Variants in DDX52 observed in about 807,000 individuals in gnomAD.
DDX52 encodes the protein DExD-box helicase 52, also known as probable ATP-dependent RNA helicase DDX52.
In DDX52, 59 loss-of-function variants were observed where a neutral mutation model predicts 76.1. The ratio of observed to expected loss-of-function variants is 0.78; its 90% CI spans 0.63 to 0.96. The LOEUF is 0.96. DDX52 is among the 40% of genes least tolerant of loss of function. The probability of loss-of-function intolerance (pLI) is 0.00; values close to 1 mark genes in which losing one functional copy is unlikely to be tolerated. For missense variants in DDX52, 707 were observed against 703.9 expected (o/e 1.00, Z -0.05); for synonymous variants, 231 against 244.1 (o/e 0.95, Z 0.50).
Position 37,625,763 on chromosome 17 carries a change from G to T in DDX52, c.1136+132C>A, listed in dbSNP as rs1357784593. ...ATCCTTAAACAATCTTGGCTTAAAA[G>T]AACACATTTCAATCAGTAAAACTCT... On this transcript the variant is annotated intron_variant, in intron 8 of 14. Coordinates refer to ENST00000617633, the MANE Select transcript of DDX52 (RefSeq NM_007010.5). 6 of 978,020 alleles carry T rather than the reference G, an allele frequency of 6.1e-6. No homozygotes were observed. In the African/African-American group the frequency reaches 6.6e-5, roughly 11 times the overall value. 60.6% of individuals were successfully genotyped at this position (978,020 alleles called of 1,614,324 possible). A position where few individuals can be genotyped will look rare whatever the true frequency, so the allele number is the denominator to read the frequency against.
intron 6 of DDX52, 152 bp downstream of exon 6, chr17:37,628,409 T>C (rs1170260605): frequency 6.4e-6 from 4 of 623,804 alleles, no homozygotes; most frequent in Admixed American, 6.7e-5. Context: ...AACTTCTCAG[T>C]AGAGTGAGAA....
intron 11 of DDX52, 54 bp downstream of exon 11, chr17:37,621,073 G>A (rs912684745): frequency 3.8e-6 from 6 of 1,578,558 alleles, no homozygotes; most frequent in African/African-American, 2.7e-5. Context: ...AATAGCAGGG[G>A]TCCTAAGACA....
At chr17:37,615,449 AG>A (rs1275387854) in intron 14 of DDX52, among the ~76,000 whole-genome samples, 1 of 152,132 alleles carries the variant, frequency 6.6e-6, no homozygotes, top group Non-Finnish European at 1.5e-5. Context: ...AGGCAGAGGT[AG>A]GCAGATCGCT....
Position 37,632,112 on chromosome 17 carries a change from C to T in DDX52, c.603+1G>A. 2 of 1,612,838 alleles carry T rather than the reference C, an allele frequency of 1.2e-6. No homozygotes were observed. Among genetic ancestry groups the T allele is most frequent in the Admixed American group, 1.7e-5 (1 of 59,718 alleles). ...CAGGCATTCTAGATCTTCATACTCA[C>T]ATGCAGCATAACTGGGATGGCTTGC... On this transcript the variant is annotated splice_donor_variant, in intron 4 of 14. Transcript: ENST00000617633. LOFTEE classifies it high-confidence loss of function.
chr17:37,641,995 G>C (rs780605543), intron 2 of DDX52, 115 bp downstream of exon 2: 14 of 1,272,554 alleles, frequency 1.1e-5, no homozygotes, highest in Non-Finnish European at 1.3e-5. Flanking sequence ...GAAACAACCT[G>C]AGTGCCATCA....
At chr17:37,632,423 C>G (rs1022451031) in intron 3 of DDX52, 125 bp from the exon 4 acceptor site, 1 of 1,024,586 alleles carries the variant, frequency 9.8e-7, no homozygotes, top group African/African-American at 1.6e-5. Flanking sequence ...TTGGTTAAAT[C>G]CAAGAATCAA....
rs192903902 is a variant in DDX52, at chr17:37,612,990, A to G, written c.*1306T>C. The G allele has an allele frequency of 4.1e-4, 62 of 152,332 alleles. No homozygotes were observed. The highest frequency in any genetic ancestry group is 1.4e-3 in the African/African-American group (60 of 41,574). 9.4% of individuals were successfully genotyped at this position (152,332 alleles called of 1,614,324 possible). ...ACCCTGTACCAGTAGATCTTTCTTT[A>G]AATAAATTCCGAAGATGAACAATTT... On this transcript the variant is annotated 3_prime_UTR_variant, in exon 15 of 15. Transcript: ENST00000617633.
intron 14 of DDX52, among the ~76,000 whole-genome samples, chr17:37,615,748 C>T (rs544158219): frequency 1.2e-4 from 18 of 152,148 alleles, no homozygotes; most frequent in African/African-American, 3.6e-4. Context: ...TTAGACTGGG[C>T]GCGGTGGGTC....
Position 37,642,002 on chromosome 17 carries a change from A to G in DDX52, c.286+108T>C, listed in dbSNP as rs189198293. The stretch of plus-strand genomic sequence containing the variant: ...AATACCTGGAAACAACCTGAGTGCC[A>G]TCAGCTGACAAATGACCTTATTGTC... On this transcript the variant is annotated intron_variant, in intron 2 of 14. Coordinates refer to ENST00000617633, the MANE Select transcript of DDX52 (RefSeq NM_007010.5). 99 of 1,368,834 alleles carry G rather than the reference A, an allele frequency of 7.2e-5. No homozygotes were observed. In the African/African-American group the frequency reaches 1.3e-3, roughly 18 times the overall value. The allele number at this position is 1,368,834 out of a possible 1,614,324, so 84.8% of individuals were successfully genotyped here. A position where few individuals can be genotyped will look rare whatever the true frequency, so the allele number is the denominator to read the frequency against.
At chr17:37,615,183 G>C (rs2064410613) in intron 14 of DDX52, 1 of 152,208 alleles carries the variant, frequency 6.6e-6, no homozygotes, top group African/African-American at 2.4e-5. Context: ...AGGCATGGGT[G>C]GGATCATTAA....
At position 37,621,537 on chromosome 17, in the gene DDX52, A is replaced by G. The variant is rs751184422; in HGVS notation, c.1228-17T>C. The G allele has an allele frequency of 1.2e-5, 19 of 1,596,618 alleles. No homozygotes were observed. The African/African-American group carries it at 2.0e-4, about 17-fold the overall frequency. On this transcript the variant is annotated splice_polypyrimidine_tract_variant and intron_variant, in intron 9 of 14. Coordinates refer to ENST00000617633, the MANE Select transcript of DDX52 (RefSeq NM_007010.5). ...ATTGAAACCCTAAAAGAAGACAAAA[A>G]TTGGCATACATAACTCAATCAAGAA...
Position 37,642,271 on chromosome 17 carries a change from A to T in DDX52, c.125T>A (p.Val42Glu), listed in dbSNP as rs761707218. The T allele has an allele frequency of 6.2e-7, 1 of 1,613,994 alleles. No homozygotes were observed. The highest frequency in any genetic ancestry group is 2.2e-5 in the East Asian group (1 of 44,866). The change falls in exon 2 of 15, where the codon GTG (valine) becomes GAG (glutamate). Residue 42 changes from valine to glutamate, a missense_variant. Physicochemically the swap from Val to Glu is moderately radical, Grantham distance 121 (BLOSUM62 -2). Transcript: ENST00000617633. ...TCCAAAAAAGTCCAGTCCCTGAAGC[A>T]CCTCCGAAGAATCAAAGTCATATTT... The part of the protein sequence containing the change: ...KRKYDFDSSE[V>E]LQGLDFFGNK...
chr17:37,629,838 T>G (rs1339954071), intron 5 of DDX52, among the ~76,000 whole-genome samples, 192 bp downstream of exon 5: 1 of 152,208 alleles, frequency 6.6e-6, no homozygotes, highest in Admixed American at 6.5e-5. Context: ...CACTGTGTTT[T>G]AGAAACTTAC....
intron 9 of DDX52, among the ~76,000 whole-genome samples, chr17:37,622,301 CTTTTTTTTTT>C (rs1311701273): frequency 6.9e-6 from 1 of 144,518 alleles, no homozygotes; most frequent in African/African-American, 2.5e-5. Context: ...CTTTTTTTTT[CTTTTTTTTTT>C]GAGACAGAGT....
At chr17:37,628,763 C>T in intron 5 of DDX52, 91 bp from the exon 6 acceptor site, 1 of 911,942 alleles carries the variant, frequency 1.1e-6, no homozygotes. Flanking sequence ...AATCTATTAC[C>T]AACCCATGAA....
chr17:37,628,792 T>A, intron 5 of DDX52, 120 bp from the exon 6 acceptor site: 4 of 694,556 alleles, frequency 5.8e-6, no homozygotes, highest in Non-Finnish European at 9.3e-6. Flanking sequence ...ATTAAACTCA[T>A]AACAATCTGT....
rs2030714452 is a variant in DDX52 at position 37,632,198 on chromosome 17, T to C, written c.518A>G (p.Asn173Ser). The C allele has an allele frequency of 1.2e-6, 2 of 1,613,802 alleles. No individual in the cohort carries two copies. The highest frequency in any genetic ancestry group is 8.5e-7 in the Non-Finnish European group (1 of 1,179,992). The change falls in exon 4 of 15, where the codon AAT becomes AGT. Residue 173 changes from asparagine (N) to serine (S), a missense_variant. Asn to Ser is a conservative substitution (Grantham distance 46). Transcript: ENST00000617633. ...TAGAATGTTCTGAAGTAGTCGAGAA[T>C]TGATTTTATATTCCTGGTCAAGTTG... ...FQQLDQEYKI[N>S]SRLLQNILDA...
rs760602558 is a variant in DDX52, at chr17:37,633,287, CCTTTT to C, written c.413_417del (p.Glu138AspfsTer7). ...TTTTGGCCCCAAAATATTTTTCTAA[CCTTTT>C]CTTTTCTGAGATTCTCCAACTTTCC... is the stretch of plus-strand genomic sequence containing the variant. On this transcript the variant is annotated frameshift_variant and splice_region_variant, in exon 3 of 15. Transcript: ENST00000617633. LOFTEE classifies it high-confidence loss of function. 1.1e-5 allele frequency: 18 copies of C among 1,598,796 alleles called. No individual in the cohort carries two copies. Among genetic ancestry groups the C allele is most frequent in the Non-Finnish European group, 1.4e-5 (17 of 1,175,192 alleles).
chr17:37,639,980 G>C (rs943841371), intron 2 of DDX52, among the ~76,000 whole-genome samples: 1 of 152,176 alleles, frequency 6.6e-6, no homozygotes, highest in African/African-American at 2.4e-5. Flanking sequence ...TGCAAACAAT[G>C]TACTAAATGC....
Sources: allele counts gnomAD v4.1 joint callset (sites outside exome capture counted in the v4.1 genomes callset), GRCh38; gene constraint gnomAD v4.1.1; transcripts MANE v1.5; gene names NCBI Gene and HGNC (gene_info 2026-07-23, HGNC 2026-07-21).